ERLEC1: variants seen among roughly 807,000 people sequenced by gnomAD.
ERLEC1 encodes the protein ER lectin.
A neutral mutation model predicts 68.0 loss-of-function variants in ERLEC1; 47 were observed. That is an observed-to-expected ratio of 0.69 (90% CI 0.55 to 0.88). The LOEUF is 0.88. ERLEC1 is among the 40% of genes least tolerant of loss of function. The probability of loss-of-function intolerance (pLI) is 0.00; values close to 1 mark genes in which losing one functional copy is unlikely to be tolerated. For synonymous variants in ERLEC1, 225 were observed against 203.2 expected (o/e 1.11, Z -0.91); for missense variants, 567 against 583.8 (o/e 0.97, Z 0.30).
intron 10 of ERLEC1, among the ~76,000 whole-genome samples, chr2:53,812,284 A>G (rs1676632422): frequency 1.3e-5 from 2 of 152,188 alleles, no homozygotes; most frequent in African/African-American, 4.8e-5. Flanking sequence ...TACACTATGA[A>G]GAAAGAAACC....
chr2:53,802,338 TCTC>T (rs1271275745), intron 8 of ERLEC1, among the ~76,000 whole-genome samples: 3 of 152,206 alleles, frequency 2.0e-5, no homozygotes, highest in Admixed American at 2.0e-4. Context: ...TTTCTTGCCT[TCTC>T]CTGTGTTCTA....
chr2:53,809,164 G>T lies in ERLEC1; in HGVS notation c.1042-50G>T. 3.0e-6 allele frequency: 4 copies of T among 1,348,640 alleles called. No individual in the cohort carries two copies. In the South Asian group the frequency reaches 5.2e-5, roughly 18 times the overall value. The allele number at this position is 1,348,640 out of a possible 1,614,324, so 83.5% of individuals were successfully genotyped here. ...TCCATTACTGTCATGTGGCATTATT[G>T]AGAAAGGCCCAGTTCTTAACTTGAT... On this transcript the variant is annotated intron_variant, in intron 9 of 13. Coordinates refer to ENST00000185150, the MANE Select transcript of ERLEC1 (RefSeq NM_015701.5).
rs762009219 is a variant in ERLEC1 at position 53,812,921 on chromosome 2, A to AT, written c.1102-26dup. On this transcript the variant is annotated intron_variant, in intron 10 of 13. Coordinates refer to ENST00000185150, the MANE Select transcript of ERLEC1 (RefSeq NM_015701.5). Reference sequence around the variant, plus strand: ...ATCTACTTGATGATATCAAGCACGCATTATCACAAATTTTTTTCCCATATT... The same window carrying AT: ...ATCTACTTGATGATATCAAGCACGCATTTATCACAAATTTTTTTCCCATATT... 3.8e-6 allele frequency: 6 copies of AT among 1,598,718 alleles called. No individual in the cohort carries two copies. In the African/African-American group the frequency reaches 8.1e-5, roughly 22 times the overall value.
At chr2:53,806,769 T>C (rs1297445236) in intron 8 of ERLEC1, among the ~76,000 whole-genome samples, 1 of 152,230 alleles carries the variant, frequency 6.6e-6, no homozygotes, top group Non-Finnish European at 1.5e-5. Flanking sequence ...CATATATTTA[T>C]TGGAAACCCA....
chr2:53,797,824 A>G, intron 5 of ERLEC1, 29 bp downstream of exon 5: 1 of 1,567,832 alleles, frequency 6.4e-7, no homozygotes, highest in Non-Finnish European at 8.7e-7. Context: ...ATTTGACAGT[A>G]ATGCTGGAAT....
At chr2:53,789,393 CAAAAAA>C (rs1160757930) in intron 1 of ERLEC1, among the ~76,000 whole-genome samples, 1 of 79,748 alleles carries the variant, frequency 1.3e-5, no homozygotes, top group Non-Finnish European at 2.4e-5. Flanking sequence ...GACTCTGTCT[CAAAAAA>C]AAAAAAAAAA....
At chr2:53,816,315 G>A (rs1676882717) in intron 13 of ERLEC1, among the ~76,000 whole-genome samples, 1 of 147,646 alleles carries the variant, frequency 6.8e-6, no homozygotes. Context: ...CACCCAGGCT[G>A]GAGTGCAGTG....
chr2:53,796,488 C>T (rs1013505470), intron 3 of ERLEC1, among the ~76,000 whole-genome samples: 1 of 151,422 alleles, frequency 6.6e-6, no homozygotes, highest in East Asian at 1.9e-4. Flanking sequence ...GAGAAAAGGT[C>T]TCATTCTGTC....
At chr2:53,817,245 T>C (rs1676948145) in intron 13 of ERLEC1, among the ~76,000 whole-genome samples, 1 of 152,204 alleles carries the variant, frequency 6.6e-6, no homozygotes, top group Non-Finnish European at 1.5e-5. Flanking sequence ...GTTATTCTCC[T>C]GCCTCAGCCT....
intron 13 of ERLEC1, among the ~76,000 whole-genome samples, chr2:53,816,902 T>C (rs960680947): frequency 6.6e-6 from 1 of 152,170 alleles, no homozygotes; most frequent in African/African-American, 2.4e-5. Context: ...TTTTCTCCTC[T>C]ATTTCTGATA....
intron 6 of ERLEC1, among the ~76,000 whole-genome samples, 166 bp from the exon 7 acceptor site, chr2:53,801,231 C>A (rs1455499304): frequency 6.6e-6 from 1 of 152,024 alleles, no homozygotes. Flanking sequence ...TAAAAACTTA[C>A]GAATCAAAAT....
At chr2:53,805,719 T>C in intron 8 of ERLEC1, among the ~76,000 whole-genome samples, 1 of 152,238 alleles carries the variant, frequency 6.6e-6, no homozygotes, top group Non-Finnish European at 1.5e-5. Context: ...TTGAGAAAGC[T>C]CCAGACTGTT....
At chr2:53,787,418 A>C in intron 1 of ERLEC1, 46 bp downstream of exon 1, 1 of 1,569,920 alleles carries the variant, frequency 6.4e-7, no homozygotes, top group Non-Finnish European at 8.6e-7. Flanking sequence ...TCCTGACACT[A>C]AGGGTTCGGC....
At chr2:53,808,918 C>T (rs1463283632) in intron 9 of ERLEC1, among the ~76,000 whole-genome samples, 3 of 152,160 alleles carry the variant, frequency 2.0e-5, no homozygotes, top group Non-Finnish European at 2.9e-5. Flanking sequence ...CGTGAGCCAC[C>T]GCACCTGGCC....
rs532402764 is a variant in ERLEC1, at chr2:53,798,868, A to T, written c.491-179A>T. Among the ~76,000 whole-genome samples, 9 of 152,180 alleles carry T rather than the reference A, an allele frequency of 5.9e-5. No individual in the cohort carries two copies. In the East Asian group the frequency reaches 1.7e-3, roughly 29 times the overall value. On this transcript the variant is annotated intron_variant, in intron 5 of 13. Transcript: ENST00000185150. ...ATTTCCTGGGTAAAGATTAAATATG[A>T]CTTCCTTTCATACAAAACCATTTCA...
rs773341557 is a variant in ERLEC1, at chr2:53,817,986, G to T, written c.*17G>T. On this transcript the variant is annotated 3_prime_UTR_variant, in exon 14 of 14. Coordinates refer to ENST00000185150, the MANE Select transcript of ERLEC1 (RefSeq NM_015701.5). ...CCCAACTAAAGGATATTAAAGTTAG[G>T]GGAAAGAAAAGATCATTGAAAGTCA... 1 of 1,438,744 alleles carries T rather than the reference G, an allele frequency of 7.0e-7. No individual in the cohort carries two copies. Among genetic ancestry groups the T allele is most frequent in the African/African-American group, 1.4e-5 (1 of 71,562 alleles). 89.1% of individuals were successfully genotyped at this position (1,438,744 alleles called of 1,614,324 possible).
chr2:53,814,896 A>G lies in ERLEC1; in HGVS notation c.1341A>G (p.Val447=), dbSNP rs142840216. 1.4e-3 allele frequency: 2,250 copies of G among 1,608,380 alleles called. No individual in the cohort carries two copies. Among genetic ancestry groups the G allele is most frequent in the Non-Finnish European group, 1.7e-3 (1,982 of 1,176,450 alleles). ...KESDSPHAVT[V]YMLEPHSCQY... is the part of the protein sequence containing the mutation. ...CAGATTCACCTCATGCTGTTACTGT[A>G]TATATGCTAGAGCCTCACTCCTGTC... The change falls in exon 13 of 14, where the codon GTA becomes GTG. Residue 447 remains valine, a synonymous_variant. Coordinates refer to ENST00000185150, the MANE Select transcript of ERLEC1 (RefSeq NM_015701.5).
At chr2:53,801,210 AT>A (rs1675984712) in intron 6 of ERLEC1, among the ~76,000 whole-genome samples, 186 bp from the exon 7 acceptor site, 1 of 152,184 alleles carries the variant, frequency 6.6e-6, no homozygotes, top group Admixed American at 6.5e-5. Flanking sequence ...GAAAATACAT[AT>A]TTGCTCAAAT....
chr2:53,814,465 T>C, intron 11 of ERLEC1, 78 bp from the exon 12 acceptor site: 4 of 982,814 alleles, frequency 4.1e-6, no homozygotes. Flanking sequence ...CCTCTAACCA[T>C]CTTCTCACCC....
Sources: allele counts gnomAD v4.1 joint callset (sites outside exome capture counted in the v4.1 genomes callset), GRCh38; gene constraint gnomAD v4.1.1; transcripts MANE v1.5; gene names NCBI Gene and HGNC (gene_info 2026-07-23, HGNC 2026-07-21).